Variants in SRGAP2 observed in about 807,000 individuals in gnomAD.
SRGAP2 encodes the protein SLIT-ROBO Rho GTPase activating protein 2.
SRGAP2 carries 15 observed loss-of-function variants against 57.2 expected under a neutral mutation model. That is an observed-to-expected ratio of 0.26 (90% confidence interval 0.18 to 0.40). The LOEUF is 0.40. Among genes scored for constraint, SRGAP2 ranks in the 10% least tolerant of loss-of-function variants. The pLI is 1.00. For missense variants in SRGAP2, 520 were observed against 669.6 expected, an observed-to-expected ratio of 0.78 and a Z score of 2.47; for synonymous variants, 249 against 248.0, an observed-to-expected ratio of 1.00 and a Z score of -0.04.
intron 22 of SRGAP2, 68 bp from the exon 23 acceptor site, chr1:206,460,969 G>C (rs573928497): frequency 1.5e-6 from 1 of 656,402 alleles, no homozygotes; most frequent in African/African-American, 1.8e-5. Flanking sequence ...GGCCTGTGTT[G>C]TTGAAACCGG....
At chr1:206,298,943 G>A (rs1279594765) in intron 2 of SRGAP2, among the ~76,000 whole-genome samples, 3,773 of 152,192 alleles carry the variant, frequency 0.025, 98 homozygotes, top group Non-Finnish European at 0.033. Context: ...TCTCTTCTTT[G>A]TCAAGCCATG....
rs1407045613 is a variant in SRGAP2, at chr1:206,461,607, T to A, written c.*187T>A. 1.0e-5 allele frequency: 6 copies of A among 582,300 alleles called. No homozygotes were observed. The highest frequency in any genetic ancestry group is 6.9e-5 in the South Asian group (3 of 43,374). 36.1% of individuals were successfully genotyped at this position (582,300 alleles called of 1,614,324 possible). A position where few individuals can be genotyped will look rare whatever the true frequency, so the allele number is the denominator to read the frequency against. ...CTTGGTATCGCCTCTCCCTTCCCAC[T>A]GCCCTCTGCTTCCCCCAGTCGTCGT... is the stretch of plus-strand genomic sequence containing the variant. On this transcript the variant is annotated 3_prime_UTR_variant, in exon 23 of 23. Coordinates refer to ENST00000573034, the MANE Select transcript of SRGAP2 (RefSeq NM_015326.5).
intron 2 of SRGAP2, among the ~76,000 whole-genome samples, chr1:206,227,065 C>T (rs1273363249): frequency 6.6e-6 from 1 of 151,918 alleles, no homozygotes; most frequent in African/African-American, 2.4e-5. Context: ...CATTGGGGAA[C>T]CTCTTGGGCT....
At chr1:206,305,803 T>A (rs1672158560) in intron 3 of SRGAP2, among the ~76,000 whole-genome samples, 1 of 151,714 alleles carries the variant, frequency 6.6e-6, no homozygotes. Flanking sequence ...CTCTGTGCAA[T>A]GAAGATGGGG....
intron 4 of SRGAP2, among the ~76,000 whole-genome samples, chr1:206,354,507 G>A (rs1239614075): frequency 1.3e-5 from 2 of 152,132 alleles, no homozygotes; most frequent in African/African-American, 2.4e-5. Flanking sequence ...CACCTAAGAC[G>A]ACCAACTATC....
intron 14 of SRGAP2, among the ~76,000 whole-genome samples, chr1:206,435,185 G>A (rs1350169508): frequency 1.2e-4 from 19 of 152,140 alleles, no homozygotes; most frequent in African/African-American, 4.3e-4. Context: ...ACTTTTTAAT[G>A]TTGTTTCAGT....
At chr1:206,401,309 C>G (rs1324415321) in intron 7 of SRGAP2, 112 bp from the exon 8 acceptor site, 1 of 715,648 alleles carries the variant, frequency 1.4e-6, no homozygotes, top group African/African-American at 1.8e-5. Flanking sequence ...CCTCTTTCTA[C>G]TGCACAGCCA....
rs1430294858 is a variant in SRGAP2 at position 206,367,748 on chromosome 1, GA to G, written c.424-16265del. The stretch of plus-strand genomic sequence containing the variant: ...GAGCAGCTTGAAACAAAGCCGAAAA[GA>G]GCCTCGAATGCCAAACTTGGAGTTT... On this transcript the variant is annotated intron_variant, in intron 4 of 22. Transcript: ENST00000573034. Among the ~76,000 whole-genome samples, 317 of 146,540 alleles carry G rather than the reference GA, an allele frequency of 2.2e-3. 2 individuals carry two copies. Among genetic ancestry groups the G allele is most frequent in the Non-Finnish European group, 3.2e-3 (213 of 66,648 alleles).
intron 2 of SRGAP2, among the ~76,000 whole-genome samples, chr1:206,234,726 G>T (rs554175312): frequency 1.1e-4 from 17 of 152,148 alleles, no homozygotes; most frequent in African/African-American, 4.1e-4. Flanking sequence ...AAAGATGGGG[G>T]CAGAGAGCTG....
intron 14 of SRGAP2, among the ~76,000 whole-genome samples, chr1:206,435,061 C>T (rs55814842): frequency 6.6e-6 from 1 of 152,204 alleles, no homozygotes; most frequent in Non-Finnish European, 1.5e-5. Flanking sequence ...TACACTGGTA[C>T]TAATGAGGTT....
chr1:206,314,300 A>G (rs1210441454), intron 3 of SRGAP2, among the ~76,000 whole-genome samples: 2 of 152,050 alleles, frequency 1.3e-5, no homozygotes, highest in East Asian at 3.9e-4. Context: ...ACGCCAGGCT[A>G]ATTTTGTATT....
intron 3 of SRGAP2, among the ~76,000 whole-genome samples, chr1:206,306,687 T>C (rs1448196037): frequency 1.3e-5 from 2 of 152,146 alleles, no homozygotes; most frequent in African/African-American, 4.8e-5. Context: ...ATCTCTGAGA[T>C]AGATACAAAG....
chr1:206,253,829 A>G (rs1669011514), intron 2 of SRGAP2, among the ~76,000 whole-genome samples: 1 of 150,904 alleles, frequency 6.6e-6, no homozygotes, highest in Admixed American at 6.6e-5. Context: ...TTTGTTTTAA[A>G]TTATGCAGTC....
At position 206,463,827 on chromosome 1, in the gene SRGAP2, T is replaced by C. The variant is rs1471167859; in HGVS notation, c.*2407T>C. 6.6e-6 allele frequency: 1 copy of C among 152,614 alleles called. No individual in the cohort carries two copies. The highest frequency in any genetic ancestry group is 1.5e-5 in the Non-Finnish European group (1 of 68,056). 9.5% of individuals were successfully genotyped at this position (152,614 alleles called of 1,614,324 possible). On this transcript the variant is annotated 3_prime_UTR_variant, in exon 23 of 23. Coordinates refer to ENST00000573034, the MANE Select transcript of SRGAP2 (RefSeq NM_015326.5). ...CAGAGCTCACTGCAAACAACTGGAATTGAGGTTGCACACTGTGATTTTTAC... is the reference window on the plus strand; with the variant it reads ...CAGAGCTCACTGCAAACAACTGGAACTGAGGTTGCACACTGTGATTTTTAC...
chr1:206,260,401 T>A (rs1251037552), intron 2 of SRGAP2, among the ~76,000 whole-genome samples: 2 of 152,156 alleles, frequency 1.3e-5, no homozygotes, highest in African/African-American at 2.4e-5. Context: ...TTGAAAGGCA[T>A]ATATGTTGAC....
intron 4 of SRGAP2, among the ~76,000 whole-genome samples, chr1:206,372,985 CTTTCTTTCTT>C (rs1654796927): frequency 6.1e-5 from 5 of 81,374 alleles, no homozygotes; most frequent in African/African-American, 2.7e-4. Flanking sequence ...TTCTTTCTTT[CTTTCTTTCTT>C]TCTTTCTTTC....
At chr1:206,455,201 A>G (rs1663723390) in intron 21 of SRGAP2, 177 bp downstream of exon 21, 1 of 655,398 alleles carries the variant, frequency 1.5e-6, no homozygotes, top group South Asian at 1.7e-5. Flanking sequence ...GGATGCTGCT[A>G]CAAGCCTCGG....
chr1:206,301,261 T>A (rs1245299904), intron 2 of SRGAP2, among the ~76,000 whole-genome samples: 3 of 152,064 alleles, frequency 2.0e-5, no homozygotes, highest in African/African-American at 7.2e-5. Context: ...GGTCTCGATC[T>A]CCTGACCTTG....
chr1:206,354,465 A>G (rs1265210427), intron 4 of SRGAP2, among the ~76,000 whole-genome samples: 1 of 152,208 alleles, frequency 6.6e-6, no homozygotes, highest in African/African-American at 2.4e-5. Flanking sequence ...CAGGCTTTGA[A>G]TGCCAAATTC....
Sources: allele counts gnomAD v4.1 joint callset (sites outside exome capture counted in the v4.1 genomes callset), GRCh38; gene constraint gnomAD v4.1.1; transcripts MANE v1.5; gene names NCBI Gene and HGNC (gene_info 2026-07-23, HGNC 2026-07-21).